The following AHDC1 variants were observed in gnomAD, a reference collection of about 807,000 sequenced individuals.
The protein encoded by AHDC1 is AT-hook DNA binding motif containing 1, also known as transcription factor Gibbin.
In AHDC1, 7 loss-of-function variants were observed where a neutral mutation model predicts 87.9. The observed-to-expected ratio is 0.08, with a 90% CI of 0.05 to 0.15. The LOEUF (loss-of-function observed/expected upper bound fraction) is 0.15. Ranked by LOEUF, AHDC1 falls within the 10% of genes least tolerant of loss-of-function variation. AHDC1 has a pLI of 1.00. For missense variants in AHDC1, 1,841 were observed against 2,253.2 expected (o/e 0.82, Z 3.70); for synonymous variants, 1,051 against 1,006.8 (o/e 1.04, Z -0.83).
intron 3 of AHDC1, among the ~76,000 whole-genome samples, chr1:27,573,079 ACCAGTAT>A (rs2088592414): frequency 6.6e-6 from 1 of 151,790 alleles, no homozygotes; most frequent in African/African-American, 2.4e-5. Flanking sequence ...CACAACCTCC[ACCAGTAT>A]CCCTGAAGGG....
chr1:27,536,235 G>A (rs561382873), intron 8 of AHDC1, among the ~76,000 whole-genome samples: 15 of 152,318 alleles, frequency 9.8e-5, no homozygotes, highest in Admixed American at 6.5e-4. Flanking sequence ...AGTCAGCCCC[G>A]GGGACGACTT....
intron 8 of AHDC1, among the ~76,000 whole-genome samples, chr1:27,537,330 A>G (rs1376933195): frequency 1.3e-5 from 2 of 152,182 alleles, no homozygotes; most frequent in Admixed American, 6.5e-5. Flanking sequence ...TAGAGGGGAA[A>G]GCAAAGCAGA....
At chr1:27,588,222 C>T (rs1447062935) in intron 3 of AHDC1, among the ~76,000 whole-genome samples, 3 of 152,204 alleles carry the variant, frequency 2.0e-5, no homozygotes, top group African/African-American at 7.2e-5. Flanking sequence ...AACACCCTTC[C>T]ACGCTTCCTC....
rs781128346 is a variant in AHDC1, at chr1:27,549,479, C to T, written c.2637G>A (p.Leu879=). ...GTYAGPPTSA[L]PAQRGLATFP... ...AGGTGGCCAGGCCCCGCTGGGCAGG[C>T]AGGGCACTGGTGGGTGGCCCTGCAT... The change falls in exon 8 of 9, where the codon CTG becomes CTA. Residue 879 remains leucine, a synonymous_variant. Transcript: ENST00000673934. 3 of 1,613,130 alleles carry T rather than the reference C, an allele frequency of 1.9e-6. No homozygotes were observed. In the Admixed American group the frequency reaches 5.0e-5, roughly 27 times the overall value.
chr1:27,572,975 G>A (rs2088588885), intron 3 of AHDC1, among the ~76,000 whole-genome samples: 2 of 152,208 alleles, frequency 1.3e-5, no homozygotes, highest in Admixed American at 1.3e-4. Context: ...CCTGACACAA[G>A]CTCTTATTCC....
chr1:27,549,272 C>A lies in AHDC1; in HGVS notation c.2844G>T (p.Val948=), dbSNP rs1557661161. ...AGCGGGCCATGGCTGAGGGCGGGGG[C>A]ACCAGCTTGGGGAAGGTCTCGGCTG... ...CRAAETFPKL[V]PPPSAMARSP... The change falls in exon 8 of 9, where the codon GTG becomes GTT. Residue 948 remains valine, a synonymous_variant. Transcript: ENST00000673934. 1 of 1,603,328 alleles carries A rather than the reference C, an allele frequency of 6.2e-7. No homozygotes were observed. The highest frequency in any genetic ancestry group is 8.5e-7 in the Non-Finnish European group (1 of 1,172,942).
intron 8 of AHDC1, among the ~76,000 whole-genome samples, chr1:27,538,070 G>C (rs749945306): frequency 1.3e-5 from 2 of 152,094 alleles, no homozygotes; most frequent in Non-Finnish European, 1.5e-5. Flanking sequence ...TCTTGAAAGG[G>C]TCCAATGTCA....
chr1:27,573,469 G>A (rs1048568231), intron 3 of AHDC1, among the ~76,000 whole-genome samples: 2 of 152,196 alleles, frequency 1.3e-5, no homozygotes, highest in African/African-American at 2.4e-5. Context: ...AGGTGGAACC[G>A]ACTAGTTGGG....
intron 8 of AHDC1, among the ~76,000 whole-genome samples, chr1:27,546,801 C>T (rs971127119): frequency 1.3e-5 from 2 of 152,216 alleles, no homozygotes; most frequent in Non-Finnish European, 2.9e-5. Context: ...GGGGTGCCAG[C>T]AGGGCTGGTC....
chr1:27,560,676 T>C lies in AHDC1; in HGVS notation c.-628-1793A>G, dbSNP rs1035602597. ...TTTGTGTGACCTTATTGTGTGTCTG[T>C]GTACCACAGCGTGTCTCTGTGTATG... On this transcript the variant is annotated intron_variant, in intron 3 of 8. Transcript: ENST00000673934. This position sits in a 1 kb window ranked among gnomAD's most constrained non-coding sequence, Gnocchi z 4.1. Among the ~76,000 whole-genome samples, 2 of 152,140 alleles carry C rather than the reference T, an allele frequency of 1.3e-5. No homozygotes were observed. Among genetic ancestry groups the C allele is most frequent in the African/African-American group, 4.8e-5 (2 of 41,404 alleles).
intron 3 of AHDC1, among the ~76,000 whole-genome samples, chr1:27,574,177 GGGAGCCAGCCT>G (rs2088631723): frequency 6.6e-6 from 1 of 152,196 alleles, no homozygotes. Flanking sequence ...CCATCCCCTG[GGGAGCCAGCCT>G]GGAGCTCTCT....
chr1:27,560,064 C>T lies in AHDC1; in HGVS notation c.-628-1181G>A, dbSNP rs546193798. Among the ~76,000 whole-genome samples, 3 of 152,254 alleles carry T rather than the reference C, an allele frequency of 2.0e-5. No individual in the cohort carries two copies. Among genetic ancestry groups the T allele is most frequent in the African/African-American group, 7.2e-5 (3 of 41,540 alleles). On this transcript the variant is annotated intron_variant, in intron 3 of 8. Transcript: ENST00000673934. The surrounding 1 kb of genome is among the most constrained non-coding windows in gnomAD (Gnocchi z 4.1). ...TTAAGCGTGTCCATGTGTGGGATCA[C>T]GCGTTTGCTCAGTTGTGGCTGCTGT... is the stretch of plus-strand genomic sequence containing the variant.
In AHDC1 at chr1:27,563,933, T is replaced by C. The variant is rs72886305; in HGVS notation, c.-628-5050A>G. ...TGAATGAGTGGTGGAGGGAGGGCTG[T>C]CCTGAGGCGCTGTTACTATGAGACT... is the stretch of plus-strand genomic sequence containing the variant. On this transcript the variant is annotated intron_variant, in intron 3 of 8. Transcript: ENST00000673934. The surrounding 1 kb of genome is among the most constrained non-coding windows in gnomAD (Gnocchi z 6.1). Among the ~76,000 whole-genome samples, 4,714 of 152,186 alleles carry C rather than the reference T, an allele frequency of 0.031. 231 individuals carry two copies. The highest frequency in any genetic ancestry group is 0.11 in the African/African-American group (4,446 of 41,504).
chr1:27,587,627 G>A (rs1262041629), intron 3 of AHDC1, among the ~76,000 whole-genome samples: 7 of 152,198 alleles, frequency 4.6e-5, no homozygotes, highest in Admixed American at 4.6e-4. Context: ...GTTATCAGGT[G>A]AGCTTTCTGT....
intron 3 of AHDC1, among the ~76,000 whole-genome samples, chr1:27,596,122 C>T (rs775832083): frequency 1.3e-5 from 2 of 151,992 alleles, no homozygotes; most frequent in African/African-American, 2.4e-5. Flanking sequence ...GCCTTTGCTC[C>T]GGGGCCTAAC....
In AHDC1 at chr1:27,550,550, C is replaced by T. The variant is rs201011425; in HGVS notation, c.1566G>A (p.Lys522=). Residue 522 remains lysine, a synonymous_variant, in exon 8 of 9, where the codon AAG becomes AAA. Coordinates refer to ENST00000673934, the MANE Select transcript of AHDC1 (RefSeq NM_001371928.1). ...RVSAEPTPLL[K]MKNNGRNVVV... is the part of the protein sequence containing the mutation. Reference sequence around the variant, plus strand: ...CCACGTTCCGCCCATTGTTCTTCATCTTCAGCAGCGGGGTGGGCTCAGCCG... The same window carrying T: ...CCACGTTCCGCCCATTGTTCTTCATTTTCAGCAGCGGGGTGGGCTCAGCCG... 8.1e-6 allele frequency: 13 copies of T among 1,612,930 alleles called. No individual in the cohort carries two copies. In the East Asian group the frequency reaches 2.9e-4, roughly 36 times the overall value.
chr1:27,544,646 T>A (rs1162765639), intron 8 of AHDC1, among the ~76,000 whole-genome samples: 1 of 152,232 alleles, frequency 6.6e-6, no homozygotes, highest in Non-Finnish European at 1.5e-5. Context: ...CCACTCTCCT[T>A]CTCTGTATCT....
rs969591412 is a variant in AHDC1 at position 27,561,399 on chromosome 1, C to A, written c.-628-2516G>T. ...CTTAGCCCCTCCACAACCTGATACT[C>A]CCCAGCAGATAAACGTCAGGCCCCC... On this transcript the variant is annotated intron_variant, in intron 3 of 8. Coordinates refer to ENST00000673934, the MANE Select transcript of AHDC1 (RefSeq NM_001371928.1). The surrounding 1 kb of genome is among the most constrained non-coding windows in gnomAD (Gnocchi z 4.2). Among the ~76,000 whole-genome samples the A allele has an allele frequency of 1.3e-5, 2 of 152,156 alleles. No individual in the cohort carries two copies. Among genetic ancestry groups the A allele is most frequent in the Admixed American group, 6.5e-5 (1 of 15,284 alleles).
chr1:27,549,157 A>G lies in AHDC1; in HGVS notation c.2959T>C (p.Phe987Leu). ...GQSVFAPTKP[F>L]TGQDCANSKD... ...CTGTTAGCGCAGTCCTGGCCTGTAA[A>G]GGGCTTAGTTGGGGCGAATACGCTT... The change falls in exon 8 of 9, where the codon TTT becomes CTT. Residue 987 changes from phenylalanine to leucine, a missense_variant. Phe to Leu is a conservative substitution (Grantham distance 22). Coordinates refer to ENST00000673934, the MANE Select transcript of AHDC1 (RefSeq NM_001371928.1). 6.4e-7 allele frequency: 1 copy of G among 1,565,596 alleles called. No individual in the cohort carries two copies. The highest frequency in any genetic ancestry group is 8.7e-7 in the Non-Finnish European group (1 of 1,153,916).
Sources: gnomAD v4.1 joint callset for allele counts (sites outside exome capture counted in the v4.1 genomes callset) on GRCh38, gnomAD v4.1.1 for gene constraint, Gnocchi (gnomAD v3.1) non-coding constraint, MANE v1.5 for transcripts, NCBI Gene and HGNC (gene_info 2026-07-23, HGNC 2026-07-21) for gene names.